Variants in GNA14 observed in about 807,000 individuals in gnomAD.
GNA14 encodes the protein G protein subunit alpha 14.
GNA14 carries 50 observed loss-of-function variants against 42.0 expected under a neutral mutation model. The observed-to-expected ratio is 1.19, with a 90% confidence interval of 0.95 to 1.51. GNA14 has a LOEUF of 1.51. GNA14 is among the 40% of genes most tolerant of loss of function. The probability of loss-of-function intolerance (pLI) is 0.00; values close to 1 mark genes in which losing one functional copy is unlikely to be tolerated. For missense variants in GNA14, 473 were observed against 446.2 expected (o/e 1.06, Z -0.54); for synonymous variants, 173 against 163.1 (o/e 1.06, Z -0.46).
chr9:77,576,745 A>T lies in GNA14; in HGVS notation c.125-47492T>A, dbSNP rs1025537209. On this transcript the variant is annotated intron_variant, in intron 1 of 6. Transcript: ENST00000341700. ...ATTTTACGGAGATGCTCTATGTTCCATGATTCATCCAGCAATGACTTGGTA... is the reference window on the plus strand; with the variant it reads ...ATTTTACGGAGATGCTCTATGTTCCTTGATTCATCCAGCAATGACTTGGTA... Among the ~76,000 whole-genome samples the T allele has an allele frequency of 2.0e-5, 3 of 152,032 alleles. No homozygotes were observed. The South Asian group carries it at 6.2e-4, about 32-fold the overall frequency.
intron 1 of GNA14, among the ~76,000 whole-genome samples, chr9:77,541,508 C>T (rs1377983917): frequency 4.6e-5 from 7 of 152,134 alleles, no homozygotes; most frequent in Non-Finnish European, 8.8e-5. Context: ...CTATAATATG[C>T]TGTGGAGAAG....
chr9:77,602,738 C>A (rs1232227008), intron 1 of GNA14, among the ~76,000 whole-genome samples: 1 of 152,054 alleles, frequency 6.6e-6, no homozygotes, highest in Non-Finnish European at 1.5e-5. Context: ...CAAACTACAC[C>A]CACAACTTTC....
intron 2 of GNA14, among the ~76,000 whole-genome samples, chr9:77,479,859 A>G (rs1382169021): frequency 2.0e-5 from 3 of 151,760 alleles, no homozygotes; most frequent in African/African-American, 4.8e-5. Flanking sequence ...TTTGTCTGTT[A>G]TTGGTGTATA....
intron 1 of GNA14, among the ~76,000 whole-genome samples, chr9:77,562,249 G>T (rs574216665): frequency 6.6e-6 from 1 of 152,288 alleles, no homozygotes; most frequent in East Asian, 1.9e-4. Flanking sequence ...TGTTTGAGCA[G>T]AACAGCTCAG....
chr9:77,487,131 TA>T (rs1363656457), intron 2 of GNA14, among the ~76,000 whole-genome samples: 1 of 152,132 alleles, frequency 6.6e-6, no homozygotes, highest in Non-Finnish European at 1.5e-5. Context: ...ACTAAGTGAC[TA>T]GTAGGCAGAG....
intron 2 of GNA14, among the ~76,000 whole-genome samples, chr9:77,479,237 A>G (rs1265243833): frequency 6.6e-6 from 1 of 152,224 alleles, no homozygotes; most frequent in Non-Finnish European, 1.5e-5. Context: ...AGCTTTCTAC[A>G]TATGGCGAGC....
rs533406653 is a variant in GNA14 at position 77,605,535 on chromosome 9, G to A, written c.124+42135C>T. Among the ~76,000 whole-genome samples, 4 of 152,286 alleles carry A rather than the reference G, an allele frequency of 2.6e-5. No homozygotes were observed. The South Asian group carries it at 6.2e-4, about 24-fold the overall frequency. Reference sequence around the variant, plus strand: ...CTAAACCAGGTCATAAGACTTTCATGTGAAAGGATAAAGAAAATGTGGTTC... The same window carrying A: ...CTAAACCAGGTCATAAGACTTTCATATGAAAGGATAAAGAAAATGTGGTTC... On this transcript the variant is annotated intron_variant, in intron 1 of 6. Transcript: ENST00000341700.
intron 2 of GNA14, among the ~76,000 whole-genome samples, chr9:77,444,925 T>C (rs1394404922): frequency 6.6e-6 from 1 of 152,206 alleles, no homozygotes; most frequent in Non-Finnish European, 1.5e-5. Flanking sequence ...CCCTGCTCCA[T>C]GCCAGATCCA....
At chr9:77,522,999 T>G (rs1239170632) in intron 2 of GNA14, among the ~76,000 whole-genome samples, 1 of 152,202 alleles carries the variant, frequency 6.6e-6, no homozygotes, top group African/African-American at 2.4e-5. Context: ...ACAGCTCAAG[T>G]GCATAGACTC....
intron 1 of GNA14, among the ~76,000 whole-genome samples, chr9:77,580,011 T>C (rs1302329416): frequency 6.6e-6 from 1 of 152,200 alleles, no homozygotes; most frequent in Non-Finnish European, 1.5e-5. Flanking sequence ...TTTAGGTGGG[T>C]TGGAAATATT....
intron 1 of GNA14, among the ~76,000 whole-genome samples, chr9:77,575,614 C>G (rs1823116301): frequency 6.6e-6 from 1 of 152,098 alleles, no homozygotes; most frequent in Non-Finnish European, 1.5e-5. Flanking sequence ...TGTCTGAAGA[C>G]AGGCCCAGAC....
chr9:77,424,987 T>A (rs570020121), intron 6 of GNA14, among the ~76,000 whole-genome samples: 1 of 152,162 alleles, frequency 6.6e-6, no homozygotes, highest in African/African-American at 2.4e-5. Context: ...GGCATGAGAC[T>A]CTCCTACCTT....
At chr9:77,616,717 T>C (rs1046842794) in intron 1 of GNA14, among the ~76,000 whole-genome samples, 1 of 152,170 alleles carries the variant, frequency 6.6e-6, no homozygotes, top group African/African-American at 2.4e-5. Context: ...CTAACATCAC[T>C]ATCCAAAGAA....
At position 77,434,583 on chromosome 9, in the gene GNA14, T is replaced by A. The variant is rs1327265027; in HGVS notation, c.310-61A>T. 4 of 1,441,432 alleles carry A rather than the reference T, an allele frequency of 2.8e-6. No homozygotes were observed. The African/African-American group carries it at 5.6e-5, about 20-fold the overall frequency. The allele number at this position is 1,441,432 out of a possible 1,614,324, so 89.3% of individuals were successfully genotyped here. ...GGAAAGGAAGCCAACCCATTGGCAA[T>A]GTCGGTACAAGTCTTGCCCTGGTCT... On this transcript the variant is annotated intron_variant, in intron 2 of 6. Coordinates refer to ENST00000341700, the MANE Select transcript of GNA14 (RefSeq NM_004297.4).
chr9:77,479,455 A>G (rs1398857248), intron 2 of GNA14, among the ~76,000 whole-genome samples: 11 of 152,026 alleles, frequency 7.2e-5, no homozygotes, highest in Admixed American at 5.9e-4. Context: ...GTCAGGTAGC[A>G]TGATGCCTCC....
At chr9:77,496,189 T>C (rs1478340728) in intron 2 of GNA14, among the ~76,000 whole-genome samples, 1 of 152,200 alleles carries the variant, frequency 6.6e-6, no homozygotes, top group Admixed American at 6.5e-5. Flanking sequence ...CAGATAATGA[T>C]AGTGGAAAAG....
At chr9:77,475,952 G>A (rs1836414292) in intron 2 of GNA14, among the ~76,000 whole-genome samples, 1 of 152,184 alleles carries the variant, frequency 6.6e-6, no homozygotes, top group Non-Finnish European at 1.5e-5. Flanking sequence ...ACCTCAGTAG[G>A]TAGGACACAG....
intron 1 of GNA14, among the ~76,000 whole-genome samples, chr9:77,610,816 G>C (rs1051025135): frequency 2.0e-5 from 3 of 152,164 alleles, no homozygotes; most frequent in Admixed American, 6.5e-5. Context: ...TAAGATGTAA[G>C]AAGACTGGAT....
chr9:77,439,253 C>G lies in GNA14; in HGVS notation c.310-4731G>C, dbSNP rs560790850. Among the ~76,000 whole-genome samples the G allele has an allele frequency of 5.3e-5, 8 of 152,158 alleles. No individual in the cohort carries two copies. In the South Asian group the frequency reaches 1.7e-3, roughly 31 times the overall value. ...AGGGAGGAATGAGGAAGGGAGTACC[C>G]TGTTACCTTTATTTAAATACAGTTT... On this transcript the variant is annotated intron_variant, in intron 2 of 6. Coordinates refer to ENST00000341700, the MANE Select transcript of GNA14 (RefSeq NM_004297.4).
Sources: allele counts gnomAD v4.1 joint callset (sites outside exome capture counted in the v4.1 genomes callset), GRCh38; gene constraint gnomAD v4.1.1; transcripts MANE v1.5; gene names NCBI Gene and HGNC (gene_info 2026-07-23, HGNC 2026-07-21).